Variants in MPPED2 observed in about 807,000 individuals in gnomAD.
MPPED2 encodes the protein metallophosphoesterase MPPED2.
In MPPED2, 5 loss-of-function variants were observed where a neutral mutation model predicts 33.0. That is an observed-to-expected ratio of 0.15 (90% CI 0.08 to 0.32). The LOEUF is 0.32. MPPED2 is among the 10% of genes least tolerant of loss of function. The pLI, the probability that MPPED2 is intolerant of heterozygous loss-of-function variation, is 1.00. For missense variants in MPPED2, 275 were observed against 372.1 expected, an observed-to-expected ratio of 0.74 and a Z score of 2.15; for synonymous variants, 136 against 141.9, an observed-to-expected ratio of 0.96 and a Z score of 0.29.
intron 4 of MPPED2, among the ~76,000 whole-genome samples, chr11:30,489,387 C>T (rs2134172067): frequency 6.6e-6 from 1 of 152,302 alleles, no homozygotes; most frequent in African/African-American, 2.4e-5. Flanking sequence ...ATTAGAAATG[C>T]TGCAGAGAGT....
At chr11:30,562,847 C>T (rs991058376) in intron 2 of MPPED2, among the ~76,000 whole-genome samples, 1 of 152,096 alleles carries the variant, frequency 6.6e-6, no homozygotes, top group Non-Finnish European at 1.5e-5. Context: ...CAATAATGCA[C>T]ACATGATTAT....
intron 6 of MPPED2, among the ~76,000 whole-genome samples, chr11:30,397,879 T>G (rs1322917522): frequency 6.6e-6 from 1 of 152,182 alleles, no homozygotes; most frequent in Non-Finnish European, 1.5e-5. Flanking sequence ...AGGTTCATTT[T>G]TTCAACCATG....
At chr11:30,493,806 T>C (rs186372472) in intron 4 of MPPED2, among the ~76,000 whole-genome samples, 51 of 152,360 alleles carry the variant, frequency 3.3e-4, no homozygotes, top group Admixed American at 9.1e-4. Context: ...CTGCAAACTT[T>C]ACCTATTTTA....
At chr11:30,394,571 C>A (rs1481606960) in intron 6 of MPPED2, among the ~76,000 whole-genome samples, 1 of 152,154 alleles carries the variant, frequency 6.6e-6, no homozygotes, top group Non-Finnish European at 1.5e-5. Flanking sequence ...CACAGATCCT[C>A]TTTGGTTATG....
exon 7 of MPPED2, chr11:30,385,357 A>AT (rs1947690520): frequency 1.3e-5 from 2 of 152,076 alleles, no homozygotes; most frequent in African/African-American, 4.8e-5. Context: ...GGTCTTGTTT[A>AT]TATTGCTTTC....
intron 4 of MPPED2, among the ~76,000 whole-genome samples, chr11:30,446,178 C>T (rs1353888458): frequency 1.3e-5 from 2 of 152,212 alleles, no homozygotes; most frequent in African/African-American, 2.4e-5. Flanking sequence ...TGAGTTCCTT[C>T]CAGGCCCTGG....
At chr11:30,506,334 G>A (rs61595398) in intron 3 of MPPED2, among the ~76,000 whole-genome samples, 1,995 of 152,216 alleles carry the variant, frequency 0.013, 48 homozygotes, top group African/African-American at 0.046. Flanking sequence ...ATGAGCCATC[G>A]TGCCTGGCCT....
chr11:30,406,851 T>C (rs1250743505), downstream of MPPED2, among the ~76,000 whole-genome samples: 1 of 152,194 alleles, frequency 6.6e-6, no homozygotes, highest in Non-Finnish European at 1.5e-5. Flanking sequence ...TCCTTAAAAG[T>C]AGATCTTAAT....
At chr11:30,457,920 A>G (rs750875586) in intron 4 of MPPED2, among the ~76,000 whole-genome samples, 1 of 152,186 alleles carries the variant, frequency 6.6e-6, no homozygotes, top group African/African-American at 2.4e-5. Flanking sequence ...TAAATTCCTA[A>G]TGTCCAAATG....
chr11:30,386,976 T>C lies in MPPED2; in HGVS notation c.*1913A>G, dbSNP rs111312848. On this transcript the variant is annotated 3_prime_UTR_variant, in exon 7 of 7. Coordinates refer to the MPPED2 transcript ENST00000448418. ...CCCGCAAAGTAAGCAATACAATCCA[T>C]GGCTTGCAGATCAGAAAACAAGGCC... 276 of 388,426 alleles carry C rather than the reference T, an allele frequency of 7.1e-4. 2 individuals carry two copies. The highest frequency in any genetic ancestry group is 4.9e-3 in the African/African-American group (239 of 48,552). The allele number at this position is 388,426 out of a possible 1,614,324, so 24.1% of individuals were successfully genotyped here.
intron 6 of MPPED2, among the ~76,000 whole-genome samples, chr11:30,395,435 A>T (rs1485736038): frequency 1.3e-5 from 2 of 152,182 alleles, no homozygotes; most frequent in African/African-American, 4.8e-5. Context: ...CCTCAAGTTC[A>T]TAACCTTCCT....
rs549452213 is a variant in MPPED2, at chr11:30,454,252, C to G, written c.537-36619G>C. Among the ~76,000 whole-genome samples, 4 of 152,274 alleles carry G rather than the reference C, an allele frequency of 2.6e-5. No individual in the cohort carries two copies. The South Asian group carries it at 8.3e-4, about 32-fold the overall frequency. ...CTCATTAAATCTAAGCCTCATTTAACTAGTAGGACATTTTTACAATGGGTT... is the reference window on the plus strand; with the variant it reads ...CTCATTAAATCTAAGCCTCATTTAAGTAGTAGGACATTTTTACAATGGGTT... On this transcript the variant is annotated intron_variant, in intron 4 of 6. Coordinates refer to ENST00000358117, the MANE Select transcript of MPPED2 (RefSeq NM_001584.3).
chr11:30,402,103 G>T (rs1043034769), intron 6 of MPPED2, among the ~76,000 whole-genome samples: 2 of 152,064 alleles, frequency 1.3e-5, no homozygotes, highest in African/African-American at 4.8e-5. Flanking sequence ...CTACTGAATT[G>T]CTTTTAACAT....
intron 6 of MPPED2, among the ~76,000 whole-genome samples, chr11:30,390,007 T>C (rs1947751308): frequency 1.3e-5 from 2 of 152,196 alleles, no homozygotes; most frequent in South Asian, 4.1e-4. Flanking sequence ...AAGCCTCTTA[T>C]ATCATCTATT....
chr11:30,574,505 C>A (rs1341945320), intron 2 of MPPED2, among the ~76,000 whole-genome samples: 1 of 152,168 alleles, frequency 6.6e-6, no homozygotes, highest in Non-Finnish European at 1.5e-5. Context: ...CATTAAGTGA[C>A]ACCATACTTC....
intron 4 of MPPED2, among the ~76,000 whole-genome samples, chr11:30,421,378 A>G (rs1329844384): frequency 6.6e-6 from 1 of 152,150 alleles, no homozygotes; most frequent in African/African-American, 2.4e-5. Context: ...GACAAAATCC[A>G]GAAGTTTCCA....
chr11:30,536,235 G>A (rs1954802691), intron 2 of MPPED2, 60 bp from the exon 3 acceptor site: 16 of 1,358,574 alleles, frequency 1.2e-5, no homozygotes, highest in Admixed American at 5.5e-5. Context: ...TGAAATTGTC[G>A]TCGCACATAC....
intron 6 of MPPED2, among the ~76,000 whole-genome samples, chr11:30,395,252 T>C (rs1468925818): frequency 6.6e-6 from 1 of 152,198 alleles, no homozygotes; most frequent in Non-Finnish European, 1.5e-5. Context: ...TAATGGACCA[T>C]GGGGATTTAC....
chr11:30,552,970 A>C (rs977510494), intron 2 of MPPED2, among the ~76,000 whole-genome samples: 2 of 152,166 alleles, frequency 1.3e-5, no homozygotes, highest in Non-Finnish European at 2.9e-5. Flanking sequence ...AGTTCTGGTC[A>C]ACAATTACAG....
Sources: gnomAD v4.1 joint callset for allele counts (sites outside exome capture counted in the v4.1 genomes callset) on GRCh38, gnomAD v4.1.1 for gene constraint, MANE v1.5 for transcripts, NCBI Gene and HGNC (gene_info 2026-07-23, HGNC 2026-07-21) for gene names.